Variants in REG4 observed in about 807,000 individuals in gnomAD.
The protein encoded by REG4 is regenerating family member 4.
In REG4, 16 loss-of-function variants were observed where a neutral mutation model predicts 22.3. The ratio of observed to expected loss-of-function variants is 0.72; its 90% CI spans 0.49 to 1.09. The LOEUF is 1.09. Ranked by LOEUF, REG4 falls within the 50% of genes least tolerant of loss-of-function variation. The pLI is 0.00. For synonymous variants in REG4, 71 were observed against 69.2 expected (o/e 1.03, Z -0.13); for missense variants, 214 against 193.9 (o/e 1.10, Z -0.61).
At chr1:119,805,269 C>T (rs1047087498) in intron 2 of REG4, among the ~76,000 whole-genome samples, 1 of 152,140 alleles carries the variant, frequency 6.6e-6, no homozygotes, top group Admixed American at 6.5e-5. Flanking sequence ...GCTTAAATTT[C>T]AGAAAGGGAC....
intron 2 of REG4, among the ~76,000 whole-genome samples, chr1:119,806,394 C>G (rs587712518): frequency 7.0e-4 from 107 of 152,286 alleles, no homozygotes; most frequent in African/African-American, 2.4e-3. Flanking sequence ...GTCCCAGGAT[C>G]CTACAGCAAA....
intron 2 of REG4, among the ~76,000 whole-genome samples, chr1:119,806,127 A>G (rs1210947057): frequency 6.6e-6 from 1 of 152,052 alleles, no homozygotes; most frequent in Non-Finnish European, 1.5e-5. Context: ...TAGTAGAGAC[A>G]GACAGAGTTT....
intron 4 of REG4, 97 bp downstream of exon 4, chr1:119,799,628 C>A (rs1207266294): frequency 2.0e-5 from 30 of 1,466,986 alleles, no homozygotes; most frequent in Non-Finnish European, 2.8e-5. Flanking sequence ...AAGATCCACC[C>A]GCTGTGTCCT....
Position 119,802,458 on chromosome 1 carries a change from G to A in REG4, c.165+610C>T, listed in dbSNP as rs587624040. ...CGCATAGGCCCAGATCATGCCAAAT[G>A]TACCTATATGGCTCCCCCAATTAAT... On this transcript the variant is annotated intron_variant, in intron 3 of 5. Coordinates refer to ENST00000256585, the MANE Select transcript of REG4 (RefSeq NM_032044.4). 20 of 1,005,200 alleles carry A rather than the reference G, an allele frequency of 2.0e-5. No homozygotes were observed. The East Asian group carries it at 1.2e-3, about 61-fold the overall frequency. 62.3% of individuals were successfully genotyped at this position (1,005,200 alleles called of 1,614,324 possible). A position where few individuals can be genotyped will look rare whatever the true frequency, so the allele number is the denominator to read the frequency against.
intron 3 of REG4, chr1:119,802,624 C>G (rs587609437): frequency 7.5e-7 from 1 of 1,340,728 alleles, no homozygotes; most frequent in South Asian, 2.2e-5. Context: ...AAAGTTTCCA[C>G]ATTTTCTTGG....
chr1:119,799,859 C>G lies in REG4; in HGVS notation c.169G>C (p.Glu57Gln). The stretch of plus-strand genomic sequence containing the variant: ...GCTCCGTTTCCGTAAGACTGACACT[C>G]GAGCTATGTACAAGGAGAGGTCCTG... Reference protein sequence around the residue: ...KLRNWSDAELECQSYGNGAHL... With the variant: ...KLRNWSDAELQCQSYGNGAHL... Residue 57 changes from glutamate (E) to glutamine (Q), a missense_variant, in exon 4 of 6, where the codon GAG becomes CAG. Physicochemically the swap from Glu to Gln is conservative, Grantham distance 29. Transcript: ENST00000256585. The G allele has an allele frequency of 6.2e-7, 1 of 1,613,962 alleles. No individual in the cohort carries two copies. The highest frequency in any genetic ancestry group is 8.5e-7 in the Non-Finnish European group (1 of 1,180,026).
rs767972808 is a variant in REG4, at chr1:119,798,618, A to G, written c.304-16T>C. The G allele has an allele frequency of 1.2e-6, 2 of 1,609,242 alleles. No individual in the cohort carries two copies. Among genetic ancestry groups the G allele is most frequent in the Admixed American group, 3.3e-5 (2 of 60,018 alleles). Reference sequence around the variant, plus strand: ...ACTGCTGCCTCTGCAACAACAGGAGATGGAGAAGTGTACAGCTCAGCAACC... The same window carrying G: ...ACTGCTGCCTCTGCAACAACAGGAGGTGGAGAAGTGTACAGCTCAGCAACC... On this transcript the variant is annotated splice_polypyrimidine_tract_variant and intron_variant, in intron 4 of 5. Transcript: ENST00000256585.
In REG4 at chr1:119,809,499, G is replaced by A. The variant is rs1654432005; in HGVS notation, c.-94-636C>T. On this transcript the variant is annotated intron_variant, in intron 1 of 5. Transcript: ENST00000256585. ...TCAATGCAAAACTAGAAAATAAGAA[G>A]TAAATCCCATCTCCAGGAGATAATT... Among the ~76,000 whole-genome samples, 3 of 152,124 alleles carry A rather than the reference G, an allele frequency of 2.0e-5. No individual in the cohort carries two copies. The South Asian group carries it at 6.2e-4, about 31-fold the overall frequency.
Position 119,794,491 on chromosome 1 carries a change from G to T in REG4, c.*127C>A. The T allele has an allele frequency of 1.2e-6, 1 of 855,528 alleles. No homozygotes were observed. The highest frequency in any genetic ancestry group is 2.0e-6 in the Non-Finnish European group (1 of 504,814). 53.0% of individuals were successfully genotyped at this position (855,528 alleles called of 1,614,324 possible). A position where few individuals can be genotyped will look rare whatever the true frequency, so the allele number is the denominator to read the frequency against. On this transcript the variant is annotated 3_prime_UTR_variant, in exon 6 of 6. Transcript: ENST00000256585. The stretch of plus-strand genomic sequence containing the variant: ...TGTCTCTAAGCCTAAAAAAGCCAGT[G>T]TAGTAGGGCCCTTATCACTCTTAGT...
chr1:119,810,362 T>G (rs1265669578), intron 1 of REG4, among the ~76,000 whole-genome samples: 1 of 152,194 alleles, frequency 6.6e-6, no homozygotes, highest in Non-Finnish European at 1.5e-5. Context: ...ACTTTATGAT[T>G]AAAAAATCTG....
At chr1:119,794,754 G>T in intron 5 of REG4, 69 bp from the exon 6 acceptor site, 1 of 1,373,976 alleles carries the variant, frequency 7.3e-7, no homozygotes, top group Non-Finnish European at 1.0e-6. Context: ...TTATCTGGGT[G>T]TTTTTCTTGG....
chr1:119,810,911 G>A (rs1194707444), intron 1 of REG4, among the ~76,000 whole-genome samples: 1 of 152,048 alleles, frequency 6.6e-6, no homozygotes, highest in African/African-American at 2.4e-5. Flanking sequence ...AAAATTAGCT[G>A]GGCGTGGTGG....
At chr1:119,806,994 C>A (rs1422633545) in intron 2 of REG4, among the ~76,000 whole-genome samples, 1 of 152,126 alleles carries the variant, frequency 6.6e-6, no homozygotes, top group Non-Finnish European at 1.5e-5. Context: ...CAAATAGTAG[C>A]TAGTTAAAAC....
At chr1:119,797,633 C>T (rs940574920) in intron 5 of REG4, among the ~76,000 whole-genome samples, 3 of 152,188 alleles carry the variant, frequency 2.0e-5, no homozygotes, top group African/African-American at 7.2e-5. Flanking sequence ...AAGTATACGA[C>T]CTTTGGCACT....
chr1:119,804,004 C>T (rs1483540627), intron 2 of REG4, among the ~76,000 whole-genome samples: 1 of 152,138 alleles, frequency 6.6e-6, no homozygotes, highest in East Asian at 1.9e-4. Flanking sequence ...CATGCTTTTC[C>T]TGCTAGTCCA....
chr1:119,799,745 C>T lies in REG4; in HGVS notation c.283G>A (p.Gly95Ser). Residue 95 changes from glycine to serine, a missense_variant, in exon 4 of 6, where the codon GGC (glycine) becomes AGC (serine). Transcript: ENST00000256585. ...GTTACCTTCTGTGGGTCGTGCAGGC[C>T]AATCCATATCGGCTGGCTTCTCTGA... ...GYQRSQPIWIGLHDPQKRQQW... is the reference protein window; with the variant it reads ...GYQRSQPIWISLHDPQKRQQW... 1 of 1,614,076 alleles carries T rather than the reference C, an allele frequency of 6.2e-7. No homozygotes were observed. The highest frequency in any genetic ancestry group is 1.1e-5 in the South Asian group (1 of 91,068).
At chr1:119,799,913 G>T in intron 3 of REG4, 51 bp from the exon 4 acceptor site, 1 of 1,604,762 alleles carries the variant, frequency 6.2e-7, no homozygotes, top group Non-Finnish European at 8.5e-7. Context: ...TTAAAGCACA[G>T]CCCTCCCCTC....
intron 5 of REG4, 41 bp downstream of exon 5, chr1:119,798,456 G>C: frequency 6.7e-7 from 1 of 1,491,044 alleles, no homozygotes; most frequent in Non-Finnish European, 9.4e-7. Flanking sequence ...GGAAGAGTCT[G>C]CGCATTGGGA....
rs186604764 is a variant in REG4, at chr1:119,811,456, C to T, written c.-142G>A. 17 of 152,326 alleles carry T rather than the reference C, an allele frequency of 1.1e-4. No homozygotes were observed. Among genetic ancestry groups the T allele is most frequent in the African/African-American group, 4.1e-4 (17 of 41,572 alleles). 9.4% of individuals were successfully genotyped at this position (152,326 alleles called of 1,614,324 possible). ...AGGGCCCCTGCCTTCTTCAGTGTCT[C>T]CAGTGGTCCCAGTCAACGTTTCTGG... On this transcript the variant is annotated 5_prime_UTR_variant, in exon 1 of 6. Transcript: ENST00000256585.
Sources: gnomAD v4.1 joint callset for allele counts (sites outside exome capture counted in the v4.1 genomes callset) on GRCh38, gnomAD v4.1.1 for gene constraint, MANE v1.5 for transcripts, NCBI Gene and HGNC (gene_info 2026-07-23, HGNC 2026-07-21) for gene names.